The following HS3ST5 variants were observed in gnomAD, a reference collection of about 807,000 sequenced individuals.
HS3ST5 encodes heparan sulfate glucosamine 3-O-sulfotransferase 5.
In HS3ST5, 10 loss-of-function variants were observed where a neutral mutation model predicts 25.4. The ratio of observed to expected loss-of-function variants is 0.39; its 90% CI spans 0.24 to 0.67. The LOEUF is 0.67. Among genes scored for constraint, HS3ST5 ranks in the 30% least tolerant of loss-of-function variants. HS3ST5 has a pLI of 0.44. For missense variants in HS3ST5, 324 were observed against 420.7 expected (o/e 0.77, Z 2.01); for synonymous variants, 170 against 162.4 (o/e 1.05, Z -0.36).
At chr6:114,219,358 A>G (rs1169441162) in intron 2 of HS3ST5, among the ~76,000 whole-genome samples, 1 of 152,204 alleles carries the variant, frequency 6.6e-6, no homozygotes, top group Non-Finnish European at 1.5e-5. Context: ...GTGGCCCACT[A>G]ATCCCCTTGT....
intron 3 of HS3ST5, among the ~76,000 whole-genome samples, chr6:114,163,896 A>G (rs945304432): frequency 6.6e-6 from 1 of 152,122 alleles, no homozygotes; most frequent in African/African-American, 2.4e-5. Flanking sequence ...TCTACCATTT[A>G]TTAGTTTACT....
chr6:114,094,728 T>C (rs569142375), intron 3 of HS3ST5, among the ~76,000 whole-genome samples: 2 of 152,304 alleles, frequency 1.3e-5, no homozygotes, highest in South Asian at 4.1e-4. Flanking sequence ...TGATCCCTGG[T>C]CCCTGATATT....
At chr6:114,246,545 T>C (rs1318649162) in intron 1 of HS3ST5, among the ~76,000 whole-genome samples, 1 of 152,222 alleles carries the variant, frequency 6.6e-6, no homozygotes, top group Non-Finnish European at 1.5e-5. Context: ...AATAAGCTTG[T>C]CTGCCAGTCG....
At chr6:114,284,246 C>T (rs1774243489) in intron 1 of HS3ST5, among the ~76,000 whole-genome samples, 1 of 151,852 alleles carries the variant, frequency 6.6e-6, no homozygotes. Flanking sequence ...ATTAAAAATC[C>T]ATTCTTCATT....
At chr6:114,145,858 T>C (rs1778136733) in intron 3 of HS3ST5, among the ~76,000 whole-genome samples, 1 of 152,216 alleles carries the variant, frequency 6.6e-6, no homozygotes, top group Non-Finnish European at 1.5e-5. Context: ...GTGCTGTATC[T>C]ATCATAGCTG....
At chr6:114,327,814 T>C (rs1776232600) in intron 1 of HS3ST5, among the ~76,000 whole-genome samples, 1 of 152,198 alleles carries the variant, frequency 6.6e-6, no homozygotes, top group African/African-American at 2.4e-5. Flanking sequence ...ATAATAAAAA[T>C]AGCAAATGTC....
At chr6:114,086,338 A>G (rs1284885511) in intron 3 of HS3ST5, among the ~76,000 whole-genome samples, 1 of 152,186 alleles carries the variant, frequency 6.6e-6, no homozygotes, top group Non-Finnish European at 1.5e-5. Flanking sequence ...CAAGCAAGAG[A>G]AGGATTAACA....
chr6:114,220,090 G>A (rs925723324), intron 2 of HS3ST5, among the ~76,000 whole-genome samples: 3 of 151,820 alleles, frequency 2.0e-5, no homozygotes, highest in Non-Finnish European at 4.4e-5. Context: ...AATTATATTG[G>A]TTTAATAAAT....
At chr6:114,289,559 A>G (rs1774483095) in intron 1 of HS3ST5, among the ~76,000 whole-genome samples, 1 of 152,160 alleles carries the variant, frequency 6.6e-6, no homozygotes. Flanking sequence ...GCTGAGGAGA[A>G]GTCATTCCAA....
In HS3ST5 at chr6:114,228,766, T is replaced by A. The variant is rs1771430008; in HGVS notation, c.-326A>T. On this transcript the variant is annotated 5_prime_UTR_variant, in exon 2 of 5. Coordinates refer to ENST00000312719, the MANE Select transcript of HS3ST5 (RefSeq NM_153612.4). Reference sequence around the variant, plus strand: ...AGACACCAATGCTGAAGACAGTGAGTATCTGATTATCTCTAAACAGAACAG... The same window carrying A: ...AGACACCAATGCTGAAGACAGTGAGAATCTGATTATCTCTAAACAGAACAG... 1 of 152,164 alleles carries A rather than the reference T, an allele frequency of 6.6e-6. No individual in the cohort carries two copies. Among genetic ancestry groups the A allele is most frequent in the African/African-American group, 2.4e-5 (1 of 41,436 alleles). 9.4% of individuals were successfully genotyped at this position (152,164 alleles called of 1,614,324 possible). A position where few individuals can be genotyped will look rare whatever the true frequency, so the allele number is the denominator to read the frequency against.
chr6:114,247,272 T>A lies in HS3ST5; in HGVS notation c.-338-18494A>T, dbSNP rs557763296. ...ATGAGGGAGGTGCTCAGTAATTGTG[T>A]AGAGGTGTCAATTTGAATTGGGAAT... is the stretch of plus-strand genomic sequence containing the variant. On this transcript the variant is annotated intron_variant, in intron 1 of 4. Coordinates refer to ENST00000312719, the MANE Select transcript of HS3ST5 (RefSeq NM_153612.4). Among the ~76,000 whole-genome samples, 4 of 152,270 alleles carry A rather than the reference T, an allele frequency of 2.6e-5. No individual in the cohort carries two copies. The South Asian group carries it at 8.3e-4, about 32-fold the overall frequency.
At chr6:114,126,334 C>T (rs1348119731) in intron 3 of HS3ST5, among the ~76,000 whole-genome samples, 3 of 152,140 alleles carry the variant, frequency 2.0e-5, no homozygotes, top group South Asian at 4.1e-4. Context: ...CAACTTGACT[C>T]CTTTTCCCAG....
At chr6:114,252,547 T>TG (rs1379174779) in intron 1 of HS3ST5, among the ~76,000 whole-genome samples, 1 of 152,164 alleles carries the variant, frequency 6.6e-6, no homozygotes, top group Admixed American at 6.6e-5. Flanking sequence ...AGGATTATTG[T>TG]GGGGGTACCT....
chr6:114,135,348 G>T (rs952626855), intron 3 of HS3ST5, among the ~76,000 whole-genome samples: 1 of 152,204 alleles, frequency 6.6e-6, no homozygotes, highest in Non-Finnish European at 1.5e-5. Flanking sequence ...TTTTCTGGGG[G>T]CAGGGACTAT....
intron 2 of HS3ST5, among the ~76,000 whole-genome samples, chr6:114,190,634 G>GA (rs1338460312): frequency 1.3e-5 from 2 of 152,124 alleles, no homozygotes; most frequent in African/African-American, 2.4e-5. Context: ...CTGAGTGAAA[G>GA]AATCATCACC....
chr6:114,221,273 T>C (rs1782017340), intron 2 of HS3ST5, among the ~76,000 whole-genome samples: 1 of 151,982 alleles, frequency 6.6e-6, no homozygotes, highest in African/African-American at 2.4e-5. Context: ...TTACTATAAT[T>C]ACCTACATTT....
intron 3 of HS3ST5, among the ~76,000 whole-genome samples, chr6:114,073,642 G>A (rs1773957431): frequency 6.6e-6 from 1 of 152,184 alleles, no homozygotes. Flanking sequence ...GGAAACAACA[G>A]ATGCTGGAGA....
intron 1 of HS3ST5, chr6:114,282,098 T>C (rs1774139248): frequency 6.6e-6 from 1 of 152,044 alleles, no homozygotes; most frequent in Non-Finnish European, 1.5e-5. Flanking sequence ...TGTATGAGTT[T>C]ATGGGTATGT....
At chr6:114,293,128 G>A (rs896010339) in intron 1 of HS3ST5, among the ~76,000 whole-genome samples, 2 of 152,080 alleles carry the variant, frequency 1.3e-5, no homozygotes, top group Non-Finnish European at 2.9e-5. Flanking sequence ...CTTTGGAAGA[G>A]TAAGCCATGG....
Sources: gnomAD v4.1 joint callset for allele counts (sites outside exome capture counted in the v4.1 genomes callset) on GRCh38, gnomAD v4.1.1 for gene constraint, MANE v1.5 for transcripts, NCBI Gene and HGNC (gene_info 2026-07-23, HGNC 2026-07-21) for gene names.